The following ZNF804B variants were observed in gnomAD, a reference collection of about 807,000 sequenced individuals.
The protein encoded by ZNF804B is zinc finger 804B.
ZNF804B carries 80 observed loss-of-function variants against 101.4 expected under a neutral mutation model. That is an observed-to-expected ratio of 0.79 (90% CI 0.66 to 0.95). ZNF804B has a LOEUF of 0.95. Among genes scored for constraint, ZNF804B ranks in the 40% least tolerant of loss-of-function variants. ZNF804B has a pLI of 0.00. For synonymous variants in ZNF804B, 622 were observed against 558.8 expected, an observed-to-expected ratio of 1.11 and a Z score of -1.59; for missense variants, 1,673 against 1,561.9, an observed-to-expected ratio of 1.07 and a Z score of -1.20.
rs1483012367 is a variant in ZNF804B, at chr7:88,877,013, T to A, written c.108+116929T>A. 4.5e-3 allele frequency among the ~76,000 whole-genome samples: 311 copies of A among 68,874 alleles called. 9 individuals carry two copies. Among genetic ancestry groups the A allele is most frequent in the African/African-American group, 0.021 (237 of 11,128 alleles). The allele number at this position is 68,874 out of a possible 152,430, so 45.2% of individuals were successfully genotyped here. On this transcript the variant is annotated intron_variant, in intron 1 of 3. Coordinates refer to ENST00000333190, the MANE Select transcript of ZNF804B (RefSeq NM_181646.5). ...GAGAATATTTGAAAAAAAAAATATATATATATATATATAATATATATATAT... is the reference window on the plus strand; with the variant it reads ...GAGAATATTTGAAAAAAAAAATATAAATATATATATATAATATATATATAT...
intron 1 of ZNF804B, among the ~76,000 whole-genome samples, chr7:88,857,892 C>T (rs1029568660): frequency 6.3e-5 from 8 of 126,050 alleles, no homozygotes; most frequent in African/African-American, 1.8e-4. Flanking sequence ...CACACAATCT[C>T]GGCTCACTGC....
At chr7:89,196,541 C>T (rs868498326) in intron 1 of ZNF804B, among the ~76,000 whole-genome samples, 6 of 151,736 alleles carry the variant, frequency 4.0e-5, no homozygotes, top group African/African-American at 4.8e-5. Flanking sequence ...AAAATCTAGG[C>T]AATAACATCT....
At chr7:88,893,694 C>T (rs1264160510) in intron 1 of ZNF804B, among the ~76,000 whole-genome samples, 1 of 152,138 alleles carries the variant, frequency 6.6e-6, no homozygotes, top group Non-Finnish European at 1.5e-5. Flanking sequence ...CAACACTTCC[C>T]AGCATTTAGC....
At chr7:89,084,282 C>G (rs1789740215) in intron 1 of ZNF804B, among the ~76,000 whole-genome samples, 1 of 151,800 alleles carries the variant, frequency 6.6e-6, no homozygotes. Flanking sequence ...TCCTTAGAAT[C>G]TTAGAATCAG....
At chr7:89,327,626 A>G in intron 3 of ZNF804B, 152 bp downstream of exon 3, 1 of 1,052,600 alleles carries the variant, frequency 9.5e-7, no homozygotes, top group Non-Finnish European at 1.3e-6. Context: ...ATAAATTAAT[A>G]ACTTTTGGCC....
intron 1 of ZNF804B, among the ~76,000 whole-genome samples, chr7:89,113,240 A>G (rs1251351826): frequency 2.6e-5 from 4 of 152,234 alleles, no homozygotes; most frequent in Non-Finnish European, 4.4e-5. Context: ...CCAAATTAAC[A>G]TAGCATGAAG....
Position 89,014,471 on chromosome 7 carries a change from G to A in ZNF804B, c.109-203684G>A, listed in dbSNP as rs181400242. ...TGCTGAGACTACAGGCGCCCGCTGC[G>A]ACGCCTGGCTAATTTTTTGTATTTT... On this transcript the variant is annotated intron_variant, in intron 1 of 3. Transcript: ENST00000333190. 6.3e-4 allele frequency among the ~76,000 whole-genome samples: 96 copies of A among 151,964 alleles called. No individual in the cohort carries two copies. In the East Asian group the frequency reaches 0.017, roughly 26 times the overall value.
intron 1 of ZNF804B, among the ~76,000 whole-genome samples, chr7:88,826,469 C>G (rs192713717): frequency 6.6e-6 from 1 of 152,188 alleles, no homozygotes; most frequent in Non-Finnish European, 1.5e-5. Flanking sequence ...ACAGTGAGAA[C>G]AACTATTTTA....
intron 1 of ZNF804B, among the ~76,000 whole-genome samples, chr7:89,094,775 A>G (rs1253024818): frequency 3.3e-5 from 5 of 152,164 alleles, no homozygotes; most frequent in African/African-American, 1.2e-4. Context: ...ACCTATTCAC[A>G]TTAAAAAGTC....
intron 1 of ZNF804B, among the ~76,000 whole-genome samples, chr7:88,983,636 A>T (rs1054720276): frequency 6.6e-6 from 1 of 152,082 alleles, no homozygotes; most frequent in Non-Finnish European, 1.5e-5. Context: ...TATCACATTT[A>T]TGATTTTTTA....
At chr7:88,806,562 A>G (rs1372260278) in intron 1 of ZNF804B, among the ~76,000 whole-genome samples, 2 of 151,978 alleles carry the variant, frequency 1.3e-5, no homozygotes, top group Non-Finnish European at 2.9e-5. Context: ...CTGCTTCTCA[A>G]AATAATGCAT....
At chr7:89,216,053 C>T (rs1211316366) in intron 1 of ZNF804B, among the ~76,000 whole-genome samples, 4 of 152,056 alleles carry the variant, frequency 2.6e-5, no homozygotes, top group African/African-American at 2.4e-5. Flanking sequence ...CCTATAATGC[C>T]AGTGCTTTGG....
chr7:88,862,500 G>C (rs1791664807), intron 1 of ZNF804B, among the ~76,000 whole-genome samples: 1 of 152,172 alleles, frequency 6.6e-6, no homozygotes, highest in Non-Finnish European at 1.5e-5. Context: ...ATGAGCTGTA[G>C]CTAATACTAT....
At chr7:89,228,561 C>A (rs957771982) in intron 2 of ZNF804B, among the ~76,000 whole-genome samples, 42 of 152,148 alleles carry the variant, frequency 2.8e-4, no homozygotes, top group Non-Finnish European at 4.6e-4. Context: ...CATTCACAAA[C>A]CCTGAGCTAG....
Position 89,334,714 on chromosome 7 carries a change from C to A in ZNF804B, c.1732C>A (p.Pro578Thr). ...FSANDLEMKN[P>T]KVPLYLNTSL... ...TGCAAATGATTTGGAAATGAAAAAT[C>A]CTAAAGTGCCTCTTTACCTCAACAC... Residue 578 changes from proline to threonine, a missense_variant, in exon 4 of 4, where the codon CCT (proline) becomes ACT (threonine). Coordinates refer to ENST00000333190, the MANE Select transcript of ZNF804B (RefSeq NM_181646.5). 6.2e-7 allele frequency: 1 copy of A among 1,613,584 alleles called. No individual in the cohort carries two copies. The highest frequency in any genetic ancestry group is 8.5e-7 in the Non-Finnish European group (1 of 1,179,788).
chr7:89,017,050 A>G lies in ZNF804B; in HGVS notation c.109-201105A>G, dbSNP rs184649029. 1.0e-3 allele frequency among the ~76,000 whole-genome samples: 159 copies of G among 152,254 alleles called. 1 individual carries two copies. In the East Asian group the frequency reaches 0.029, roughly 28 times the overall value. On this transcript the variant is annotated intron_variant, in intron 1 of 3. Transcript: ENST00000333190. ...GTAGTTCTCCTTGAAGAGGTCCTTCACATCCCTTGTAAGTTAGATTCCTAG... is the reference window on the plus strand; with the variant it reads ...GTAGTTCTCCTTGAAGAGGTCCTTCGCATCCCTTGTAAGTTAGATTCCTAG...
chr7:89,287,335 C>T lies in ZNF804B; in HGVS notation c.250-40009C>T, dbSNP rs145620781. Among the ~76,000 whole-genome samples the T allele has an allele frequency of 4.3e-3, 661 of 152,032 alleles. 6 individuals are homozygous for T. Among genetic ancestry groups the T allele is most frequent in the African/African-American group, 0.015 (607 of 41,430 alleles). On this transcript the variant is annotated intron_variant, in intron 2 of 3. Transcript: ENST00000333190. ...ATGTATACATACACGTGCACACACA[C>T]GTATGTATGTATTCAGACATTAGAG... is the stretch of plus-strand genomic sequence containing the variant.
intron 2 of ZNF804B, among the ~76,000 whole-genome samples, chr7:89,250,846 T>C (rs1285292671): frequency 2.6e-5 from 4 of 152,158 alleles, no homozygotes; most frequent in Non-Finnish European, 5.9e-5. Context: ...AAAAATATGA[T>C]CATCTCAATA....
chr7:88,818,964 T>G (rs62462046), intron 1 of ZNF804B, among the ~76,000 whole-genome samples: 13,834 of 152,152 alleles, frequency 0.091, 735 homozygotes, highest in East Asian at 0.26. Context: ...TTGATATAAT[T>G]AGAACATTTT....
Sources: allele counts gnomAD v4.1 joint callset (sites outside exome capture counted in the v4.1 genomes callset), GRCh38; gene constraint gnomAD v4.1.1; transcripts MANE v1.5; gene names NCBI Gene and HGNC (gene_info 2026-07-23, HGNC 2026-07-21).